SUN5: variants seen among roughly 807,000 people sequenced by gnomAD.
SUN5 encodes the protein SUN domain-containing protein 5.
In SUN5, 44 loss-of-function variants were observed where a neutral mutation model predicts 53.7. The ratio of observed to expected loss-of-function variants is 0.82; its 90% confidence interval spans 0.64 to 1.05. The LOEUF (loss-of-function observed/expected upper bound fraction) is 1.05, where lower values mean the gene tolerates loss of function less well. SUN5 is among the 50% of genes least tolerant of loss of function. SUN5 has a pLI of 0.00. For synonymous variants in SUN5, 166 were observed against 179.8 expected (o/e 0.92, Z 0.62); for missense variants, 433 against 483.8 (o/e 0.90, Z 0.98).
intron 3 of SUN5, among the ~76,000 whole-genome samples, chr20:33,001,715 CT>C (rs1484241912): frequency 7.5e-6 from 1 of 133,480 alleles, no homozygotes; most frequent in African/African-American, 2.8e-5. Flanking sequence ...GTCACCCAGG[CT>C]GGAGTGCAGT....
Position 32,987,861 on chromosome 20 carries a change from G to A in SUN5, c.614-86C>T, listed in dbSNP as rs866568042. On this transcript the variant is annotated intron_variant, in intron 9 of 12. Coordinates refer to ENST00000356173, the MANE Select transcript of SUN5 (RefSeq NM_080675.4). ...CACTGATGGGCCCTGACTATGTGCCGGGCGAGCATTTTGGATGAGTCACTG... is the reference window on the plus strand; with the variant it reads ...CACTGATGGGCCCTGACTATGTGCCAGGCGAGCATTTTGGATGAGTCACTG... 30 of 1,077,258 alleles carry A rather than the reference G, an allele frequency of 2.8e-5. No homozygotes were observed. The South Asian group carries it at 3.6e-4, about 13-fold the overall frequency. The allele number at this position is 1,077,258 out of a possible 1,614,324, so 66.7% of individuals were successfully genotyped here. A position where few individuals can be genotyped will look rare whatever the true frequency, so the allele number is the denominator to read the frequency against.
intron 12 of SUN5, 23 bp from the exon 13 acceptor site, chr20:32,983,972 G>A (rs756977215): frequency 6.5e-7 from 1 of 1,537,438 alleles, no homozygotes; most frequent in Non-Finnish European, 8.8e-7. Context: ...CAGTCACAGA[G>A]GCAGCTCACC....
intron 1 of SUN5, among the ~76,000 whole-genome samples, chr20:33,003,495 C>G (rs971771086): frequency 1.3e-5 from 2 of 152,082 alleles, no homozygotes; most frequent in African/African-American, 2.4e-5. Flanking sequence ...ATGACAGGAA[C>G]CTGGGTCTTG....
intron 8 of SUN5, among the ~76,000 whole-genome samples, chr20:32,992,503 T>C (rs1163101195): frequency 2.0e-5 from 3 of 152,180 alleles, no homozygotes; most frequent in Non-Finnish European, 4.4e-5. Context: ...CTAGAAGTTA[T>C]TCTCTGGAGA....
rs1455444306 is a variant in SUN5, at chr20:32,987,792, G to A, written c.614-17C>T. ...TGCTGGCCCCTGTATAGGAGAAGGG[G>A]GTCTCAGCCAAGCAGCCGGGCTTCT... On this transcript the variant is annotated splice_polypyrimidine_tract_variant and intron_variant, in intron 9 of 12. Transcript: ENST00000356173. The A allele has an allele frequency of 6.2e-7, 1 of 1,603,306 alleles. No individual in the cohort carries two copies. Among genetic ancestry groups the A allele is most frequent in the African/African-American group, 1.3e-5 (1 of 74,782 alleles).
intron 1 of SUN5, among the ~76,000 whole-genome samples, chr20:33,003,835 C>T (rs1386287657): frequency 1.3e-5 from 2 of 152,176 alleles, no homozygotes; most frequent in Non-Finnish European, 1.5e-5. Context: ...TTGGGATATA[C>T]ACCCAGATTT....
intron 5 of SUN5, 107 bp from the exon 6 acceptor site, chr20:32,997,794 G>C: frequency 2.5e-6 from 3 of 1,197,150 alleles, no homozygotes; most frequent in Non-Finnish European, 3.6e-6. Flanking sequence ...CCACTTGCCA[G>C]CATTGTGCAA....
At chr20:33,003,614 A>G (rs6120083) in intron 1 of SUN5, among the ~76,000 whole-genome samples, 9,412 of 152,162 alleles carry the variant, frequency 0.062, 853 homozygotes, top group African/African-American at 0.2. Context: ...AGGTCTTTAA[A>G]CATTTTTGTT....
intron 4 of SUN5, among the ~76,000 whole-genome samples, chr20:33,000,745 T>C (rs1394139606): frequency 6.6e-6 from 1 of 151,118 alleles, no homozygotes; most frequent in Non-Finnish European, 1.5e-5. Flanking sequence ...CTTGGGAGGC[T>C]GAGGTGGGAC....
chr20:32,985,744 C>T lies in SUN5; in HGVS notation c.889G>A (p.Val297Ile), dbSNP rs373087559. The T allele has an allele frequency of 5.8e-5, 94 of 1,613,766 alleles. No individual in the cohort carries two copies. Among genetic ancestry groups the T allele is most frequent in the Non-Finnish European group, 7.4e-5 (87 of 1,179,886 alleles). Reference protein sequence around the residue: ...GSLDTAPKDFVIYGMEGSPKE... With the variant: ...GSLDTAPKDFIIYGMEGSPKE... ...TGCAGGGGAGTGCTCACATAGATGACGAAGTCCTTGGGGGCGGTGTCCAGG... is the reference window on the plus strand; with the variant it reads ...TGCAGGGGAGTGCTCACATAGATGATGAAGTCCTTGGGGGCGGTGTCCAGG... Residue 297 changes from valine to isoleucine, a missense_variant, in exon 11 of 13, where the codon GTC (valine) becomes ATC (isoleucine). Val to Ile is a conservative substitution (Grantham distance 29, BLOSUM62 3). Coordinates refer to ENST00000356173, the MANE Select transcript of SUN5 (RefSeq NM_080675.4).
At chr20:33,001,106 C>G in intron 4 of SUN5, 106 bp downstream of exon 4, 1 of 1,315,414 alleles carries the variant, frequency 7.6e-7, no homozygotes. Flanking sequence ...GATAGCTTTT[C>G]TGGTCTGGCT....
chr20:32,999,816 G>A, intron 5 of SUN5: 6 of 1,220,576 alleles, frequency 4.9e-6, no homozygotes, highest in Non-Finnish European at 6.8e-6. Context: ...CTGGAAAGAA[G>A]CCATGGAAAC....
chr20:32,985,249 C>T (rs1989505436), intron 11 of SUN5, 64 bp from the exon 12 acceptor site: 1 of 1,491,868 alleles, frequency 6.7e-7, no homozygotes, highest in Non-Finnish European at 9.3e-7. Context: ...GGTGTCTCCC[C>T]TCTCCAGTGG....
At chr20:32,984,959 C>T (rs373021298) in intron 12 of SUN5, 140 bp downstream of exon 12, 1 of 843,898 alleles carries the variant, frequency 1.2e-6, no homozygotes, top group South Asian at 1.7e-5. Flanking sequence ...CTCTGAGCCT[C>T]AGTTTCCTTG....
chr20:32,991,546 T>C (rs541505202), intron 8 of SUN5, among the ~76,000 whole-genome samples: 19 of 152,248 alleles, frequency 1.2e-4, no homozygotes, highest in Non-Finnish European at 2.5e-4. Flanking sequence ...TATACCTTAC[T>C]GCCTTTGTAA....
At chr20:33,000,226 A>G in intron 4 of SUN5, 91 bp from the exon 5 acceptor site, 1 of 1,442,770 alleles carries the variant, frequency 6.9e-7, no homozygotes, top group Non-Finnish European at 9.3e-7. Flanking sequence ...CTCCGTAGGC[A>G]TGCTGTTTGC....
At chr20:32,986,917 A>C (rs1989560607) in intron 10 of SUN5, among the ~76,000 whole-genome samples, 1 of 152,022 alleles carries the variant, frequency 6.6e-6, no homozygotes, top group Admixed American at 6.5e-5. Context: ...GGCTGCGGCC[A>C]CCAGGAAGCC....
At chr20:33,001,519 C>CTTTCTTTCATTCTTTCTTTCTTTCTTTCT (rs68051515) in intron 3 of SUN5, among the ~76,000 whole-genome samples, 1 of 121,324 alleles carries the variant, frequency 8.2e-6, no homozygotes, top group Non-Finnish European at 1.7e-5. Flanking sequence ...TTCTTTCTTT[C>CTTTCTTTCATTCTTTCTTTCTTTCTTTCT]TTCTTTCTTT....
chr20:32,994,872 AC>A (rs11477162), intron 8 of SUN5, among the ~76,000 whole-genome samples: 51,341 of 150,878 alleles, frequency 0.34, 9,328 homozygotes, highest in East Asian at 0.78. Flanking sequence ...CATTAAAAAA[AC>A]AAAAAGAACT....
Sources: gnomAD v4.1 joint callset for allele counts (sites outside exome capture counted in the v4.1 genomes callset) on GRCh38, gnomAD v4.1.1 for gene constraint, MANE v1.5 for transcripts, NCBI Gene and HGNC (gene_info 2026-07-23, HGNC 2026-07-21) for gene names.